The following SERGEF variants were observed in gnomAD, a reference collection of about 807,000 sequenced individuals.
SERGEF encodes the protein secretion regulating guanine nucleotide exchange factor.
Under a neutral mutation model 50.0 loss-of-function variants are expected in SERGEF, and 51 were observed. That is an observed-to-expected ratio of 1.02 (90% CI 0.81 to 1.29). The LOEUF (loss-of-function observed/expected upper bound fraction) is 1.29, where lower values mean the gene tolerates loss of function less well. Among genes scored for constraint, SERGEF ranks in the 50% most tolerant of loss-of-function variants. The pLI, the probability that SERGEF is intolerant of heterozygous loss-of-function variation, is 0.00. For missense variants in SERGEF, 521 were observed against 557.0 expected (o/e 0.94, Z 0.65); for synonymous variants, 205 against 212.4 (o/e 0.97, Z 0.30).
intron 9 of SERGEF, among the ~76,000 whole-genome samples, chr11:17,881,973 T>A (rs920112841): frequency 6.6e-6 from 1 of 152,220 alleles, no homozygotes; most frequent in East Asian, 1.9e-4. Flanking sequence ...CTGCTACTCA[T>A]GAACCTTCAA....
At chr11:17,954,007 T>G (rs1186619735) in intron 9 of SERGEF, among the ~76,000 whole-genome samples, 3 of 152,216 alleles carry the variant, frequency 2.0e-5, no homozygotes, top group Admixed American at 2.0e-4. Flanking sequence ...TGCACACTAC[T>G]ACCCATTTTA....
intron 9 of SERGEF, among the ~76,000 whole-genome samples, chr11:17,945,693 A>G (rs1852644607): frequency 6.6e-6 from 1 of 152,072 alleles, no homozygotes; most frequent in Non-Finnish European, 1.5e-5. Flanking sequence ...AAACAAATAA[A>G]CCCAGCACTT....
intron 8 of SERGEF, among the ~76,000 whole-genome samples, chr11:17,976,325 G>A (rs1472183703): frequency 5.3e-5 from 8 of 151,928 alleles, no homozygotes; most frequent in East Asian, 3.9e-4. Flanking sequence ...TCACTCTGTC[G>A]CCCAGGCTAG....
At chr11:17,907,163 CAA>C (rs200442630) in intron 9 of SERGEF, among the ~76,000 whole-genome samples, 9 of 116,776 alleles carry the variant, frequency 7.7e-5, no homozygotes, top group Admixed American at 1.8e-4. Context: ...AACTTATGAC[CAA>C]AAAAAAAAAA....
At chr11:17,867,572 G>A (rs1851054542) in intron 10 of SERGEF, among the ~76,000 whole-genome samples, 1 of 152,210 alleles carries the variant, frequency 6.6e-6, no homozygotes, top group Non-Finnish European at 1.5e-5. Flanking sequence ...CCATTCTGGG[G>A]CCTGGAGGAT....
At chr11:17,895,983 TTCTC>T (rs1234391632) in intron 9 of SERGEF, among the ~76,000 whole-genome samples, 3 of 152,226 alleles carry the variant, frequency 2.0e-5, no homozygotes, top group Non-Finnish European at 4.4e-5. Context: ...ATTTCACTAT[TTCTC>T]TTCTATGGGG....
intron 10 of SERGEF, among the ~76,000 whole-genome samples, chr11:17,860,543 G>A (rs544026084): frequency 2.0e-5 from 3 of 152,242 alleles, no homozygotes; most frequent in East Asian, 1.9e-4. Context: ...GGTTGGCTCC[G>A]GAAATTGGAC....
chr11:17,938,062 A>G lies in SERGEF; in HGVS notation c.1011+21408T>C, dbSNP rs990953670. Among the ~76,000 whole-genome samples the G allele has an allele frequency of 2.0e-5, 3 of 152,296 alleles. No homozygotes were observed. In the South Asian group the frequency reaches 6.2e-4, roughly 32 times the overall value. On this transcript the variant is annotated intron_variant, in intron 9 of 10. Coordinates refer to ENST00000265965, the MANE Select transcript of SERGEF (RefSeq NM_012139.4). ...GGCCACTATGCCATTACCAGCTTCT[A>G]ACACCACAAGTAGTAAAAGCCCCTC...
chr11:17,951,728 T>C (rs1311330377), intron 9 of SERGEF, among the ~76,000 whole-genome samples: 2 of 152,204 alleles, frequency 1.3e-5, no homozygotes, highest in African/African-American at 2.4e-5. Flanking sequence ...ATGAGGGGTC[T>C]GAGAGCCGGG....
intron 9 of SERGEF, among the ~76,000 whole-genome samples, chr11:17,914,660 T>A (rs1590194743): frequency 6.6e-6 from 1 of 152,218 alleles, no homozygotes; most frequent in Non-Finnish European, 1.5e-5. Context: ...TATGCAACCA[T>A]AGTTAAAAAC....
chr11:17,846,275 A>G (rs16934749), intron 10 of SERGEF, among the ~76,000 whole-genome samples: 3,464 of 152,294 alleles, frequency 0.023, 133 homozygotes, highest in African/African-American at 0.079. Context: ...GTGTATCGCC[A>G]ATGAGTGCCT....
chr11:17,974,855 C>T (rs553419606), intron 8 of SERGEF, among the ~76,000 whole-genome samples: 2 of 152,138 alleles, frequency 1.3e-5, no homozygotes, highest in South Asian at 4.1e-4. Context: ...AAAGTTTTAG[C>T]ATTCTAAAAA....
At chr11:17,947,177 C>T (rs1276315340) in intron 9 of SERGEF, among the ~76,000 whole-genome samples, 1 of 152,212 alleles carries the variant, frequency 6.6e-6, no homozygotes, top group Admixed American at 6.5e-5. Flanking sequence ...CTGATAGGCA[C>T]TGTGTCATGC....
intron 8 of SERGEF, among the ~76,000 whole-genome samples, chr11:17,965,598 C>G (rs1005004754): frequency 6.6e-6 from 1 of 152,182 alleles, no homozygotes; most frequent in Non-Finnish European, 1.5e-5. Context: ...TAAATGCACA[C>G]TCATTAGGAC....
intron 9 of SERGEF, among the ~76,000 whole-genome samples, chr11:17,904,148 G>A (rs1472787026): frequency 6.6e-6 from 1 of 152,220 alleles, no homozygotes; most frequent in African/African-American, 2.4e-5. Flanking sequence ...ACCCTGTGTT[G>A]ATTTTGTATC....
intron 9 of SERGEF, among the ~76,000 whole-genome samples, chr11:17,933,051 T>C (rs1338548434): frequency 6.6e-6 from 1 of 152,184 alleles, no homozygotes; most frequent in Non-Finnish European, 1.5e-5. Context: ...TTAGGTCTAA[T>C]GTTATCATCC....
intron 9 of SERGEF, among the ~76,000 whole-genome samples, chr11:17,893,752 T>C (rs1320249996): frequency 6.6e-6 from 1 of 152,124 alleles, no homozygotes; most frequent in Non-Finnish European, 1.5e-5. Context: ...AGATCAGCCT[T>C]GAGATCAGAA....
At chr11:17,895,919 G>A (rs1389646595) in intron 9 of SERGEF, among the ~76,000 whole-genome samples, 2 of 151,872 alleles carry the variant, frequency 1.3e-5, no homozygotes, top group Non-Finnish European at 2.9e-5. Flanking sequence ...CCATATCATT[G>A]TTTCATTGAA....
chr11:17,968,785 C>T (rs1590224178), intron 8 of SERGEF, among the ~76,000 whole-genome samples: 1 of 150,646 alleles, frequency 6.6e-6, no homozygotes, highest in African/African-American at 2.4e-5. Context: ...ACAACAACAA[C>T]AACAAAACAT....
Sources: allele counts gnomAD v4.1 joint callset (sites outside exome capture counted in the v4.1 genomes callset), GRCh38; gene constraint gnomAD v4.1.1; transcripts MANE v1.5; gene names NCBI Gene and HGNC (gene_info 2026-07-23, HGNC 2026-07-21).